Variants in FSTL5 observed in about 807,000 individuals in gnomAD.
FSTL5 encodes the protein follistatin-related protein 5.
Under a neutral mutation model 89.1 loss-of-function variants are expected in FSTL5, and 62 were observed. The ratio of observed to expected loss-of-function variants is 0.70; its 90% CI spans 0.57 to 0.86. The LOEUF (loss-of-function observed/expected upper bound fraction) is 0.86. FSTL5 is among the 40% of genes least tolerant of loss of function. The pLI, the probability that FSTL5 is intolerant of heterozygous loss-of-function variation, is 0.00. For missense variants in FSTL5, 1,057 were observed against 1,001.6 expected (o/e 1.06, Z -0.75); for synonymous variants, 383 against 346.2 (o/e 1.11, Z -1.18).
chr4:161,394,517 T>C (rs1341822917), intron 15 of FSTL5, among the ~76,000 whole-genome samples: 1 of 152,168 alleles, frequency 6.6e-6, no homozygotes, highest in Non-Finnish European at 1.5e-5. Context: ...CCTCGTGATC[T>C]GTGTGCCTCA....
chr4:161,885,630 G>A lies in FSTL5; in HGVS notation c.409+34774C>T, dbSNP rs536158242. 2.0e-5 allele frequency among the ~76,000 whole-genome samples: 3 copies of A among 152,082 alleles called. No individual in the cohort carries two copies. In the South Asian group the frequency reaches 6.2e-4, roughly 32 times the overall value. ...CCAGCTAATTTTTTGTATTATTTTA[G>A]TAGAGACAGGGTTTCATCATGTTGC... On this transcript the variant is annotated intron_variant, in intron 4 of 15. Coordinates refer to ENST00000306100, the MANE Select transcript of FSTL5 (RefSeq NM_020116.5).
intron 7 of FSTL5, among the ~76,000 whole-genome samples, chr4:161,590,020 G>C (rs1166089195): frequency 6.6e-6 from 1 of 152,178 alleles, no homozygotes; most frequent in East Asian, 1.9e-4. Flanking sequence ...TTAAATCCCT[G>C]TTCAATCATT....
At chr4:161,533,112 C>T (rs1731478214) in intron 10 of FSTL5, among the ~76,000 whole-genome samples, 1 of 150,218 alleles carries the variant, frequency 6.7e-6, no homozygotes, top group Non-Finnish European at 1.5e-5. Context: ...TAAATACCTG[C>T]ATCAAGAGGT....
chr4:161,953,601 C>T (rs946064248), intron 3 of FSTL5, among the ~76,000 whole-genome samples: 4 of 151,550 alleles, frequency 2.6e-5, no homozygotes, highest in Admixed American at 6.6e-5. Flanking sequence ...AGTAGATAAG[C>T]TATCTTTGCC....
intron 15 of FSTL5, among the ~76,000 whole-genome samples, chr4:161,409,989 G>T (rs1283381976): frequency 3.9e-5 from 6 of 152,126 alleles, no homozygotes; most frequent in African/African-American, 1.4e-4. Context: ...TCAAGAGACC[G>T]ATTTCACATC....
chr4:162,083,985 G>C (rs1276764874), intron 2 of FSTL5, among the ~76,000 whole-genome samples: 2 of 151,714 alleles, frequency 1.3e-5, no homozygotes, highest in Non-Finnish European at 1.5e-5. Flanking sequence ...TTATAATTTA[G>C]ACATTATCTC....
intron 6 of FSTL5, among the ~76,000 whole-genome samples, chr4:161,724,968 G>C (rs1180021338): frequency 6.6e-6 from 1 of 152,138 alleles, no homozygotes; most frequent in Admixed American, 6.5e-5. Flanking sequence ...TCCAAGGGGC[G>C]AGTGGATAAC....
intron 8 of FSTL5, among the ~76,000 whole-genome samples, chr4:161,575,834 G>T (rs748234613): frequency 5.9e-5 from 9 of 152,212 alleles, no homozygotes; most frequent in South Asian, 2.1e-4. Flanking sequence ...TCAGGCAAGA[G>T]AAATAAATAA....
At chr4:162,098,335 G>A (rs989005977) in intron 2 of FSTL5, among the ~76,000 whole-genome samples, 13 of 151,972 alleles carry the variant, frequency 8.6e-5, no homozygotes, top group African/African-American at 3.1e-4. Context: ...GAGATTGATA[G>A]AGAAAAGGCC....
intron 4 of FSTL5, among the ~76,000 whole-genome samples, chr4:161,918,590 T>C (rs761778559): frequency 4.7e-4 from 71 of 152,168 alleles, no homozygotes; most frequent in Non-Finnish European, 8.2e-4. Context: ...AGCATACAGC[T>C]ACAAAACAGA....
intron 6 of FSTL5, among the ~76,000 whole-genome samples, chr4:161,686,908 CT>C (rs1243052326): frequency 6.6e-6 from 1 of 151,908 alleles, no homozygotes; most frequent in East Asian, 1.9e-4. Flanking sequence ...GAAATGTGAC[CT>C]GTTAAAATGA....
intron 4 of FSTL5, among the ~76,000 whole-genome samples, chr4:161,776,434 T>C (rs1424467558): frequency 2.0e-5 from 3 of 152,026 alleles, no homozygotes; most frequent in Non-Finnish European, 2.9e-5. Flanking sequence ...TTGATAGTTT[T>C]ATAGGTGCAG....
intron 8 of FSTL5, among the ~76,000 whole-genome samples, chr4:161,557,707 TTATCATAC>T (rs1201222050): frequency 1.3e-5 from 2 of 151,672 alleles, no homozygotes; most frequent in Non-Finnish European, 3.0e-5. Flanking sequence ...ATTGAACAGA[TTATCATAC>T]TATCATACTG....
chr4:161,747,467 T>A (rs1265039116), intron 6 of FSTL5, among the ~76,000 whole-genome samples: 1 of 152,214 alleles, frequency 6.6e-6, no homozygotes, highest in Non-Finnish European at 1.5e-5. Context: ...TTATTATCAT[T>A]AATGCTAATT....
chr4:161,747,642 T>C (rs1174324615), intron 6 of FSTL5, among the ~76,000 whole-genome samples: 1 of 152,188 alleles, frequency 6.6e-6, no homozygotes, highest in Non-Finnish European at 1.5e-5. Context: ...CTAGGGTCTG[T>C]TTACCTTACT....
At chr4:162,060,972 TTGAC>T (rs1252118461) in intron 2 of FSTL5, among the ~76,000 whole-genome samples, 1 of 152,142 alleles carries the variant, frequency 6.6e-6, no homozygotes, top group Non-Finnish European at 1.5e-5. Flanking sequence ...GACAAAACAT[TTGAC>T]GCTGCATTTG....
intron 9 of FSTL5, among the ~76,000 whole-genome samples, chr4:161,542,058 A>G (rs186370065): frequency 6.6e-6 from 1 of 151,976 alleles, no homozygotes; most frequent in African/African-American, 2.4e-5. Context: ...AAAAATGTAA[A>G]TGGAAAACAT....
intron 2 of FSTL5, among the ~76,000 whole-genome samples, chr4:162,105,149 C>A (rs1731170730): frequency 6.6e-6 from 1 of 152,146 alleles, no homozygotes; most frequent in Admixed American, 6.5e-5. Context: ...CATATGCATT[C>A]TGAAATGATC....
At chr4:161,524,147 A>G (rs983662522) in intron 10 of FSTL5, among the ~76,000 whole-genome samples, 4 of 152,198 alleles carry the variant, frequency 2.6e-5, no homozygotes, top group Admixed American at 2.0e-4. Context: ...CTTCATCTAC[A>G]TAGTAAAACT....
Sources: gnomAD v4.1 joint callset for allele counts (sites outside exome capture counted in the v4.1 genomes callset) on GRCh38, gnomAD v4.1.1 for gene constraint, MANE v1.5 for transcripts, NCBI Gene and HGNC (gene_info 2026-07-23, HGNC 2026-07-21) for gene names.